ACER2: variants seen among roughly 807,000 people sequenced by gnomAD.
ACER2 encodes alkCDase 2.
ACER2 carries 26 observed loss-of-function variants against 34.7 expected under a neutral mutation model. The observed-to-expected ratio is 0.75, with a 90% CI of 0.55 to 1.04. ACER2 has a LOEUF of 1.04. ACER2 is among the 50% of genes least tolerant of loss of function. ACER2 has a pLI of 0.00. For missense variants in ACER2, 352 were observed against 340.8 expected (o/e 1.03, Z -0.26); for synonymous variants, 138 against 132.1 (o/e 1.04, Z -0.31).
rs549242757 is a variant in ACER2 at position 19,409,041 on chromosome 9, C to T, written c.-44C>T. The T allele has an allele frequency of 1.2e-4, 182 of 1,516,108 alleles. 2 individuals are homozygous for T. The South Asian group carries it at 2.0e-3, about 16-fold the overall frequency. The allele number at this position is 1,516,108 out of a possible 1,614,324, so 93.9% of individuals were successfully genotyped here. A position where few individuals can be genotyped will look rare whatever the true frequency, so the allele number is the denominator to read the frequency against. On this transcript the variant is annotated 5_prime_UTR_variant, in exon 1 of 6. Transcript: ENST00000340967. The stretch of plus-strand genomic sequence containing the variant: ...TTTGCCTCCGCAGCAGCTCTGGGCT[C>T]TTCTCAGCTGCGCGAGCAGCTGCTC...
intron 1 of ACER2, among the ~76,000 whole-genome samples, chr9:19,423,644 T>C (rs1326911615): frequency 6.6e-6 from 1 of 152,182 alleles, no homozygotes; most frequent in Non-Finnish European, 1.5e-5. Context: ...GAGGTTGCAG[T>C]GAGCCAAGAT....
chr9:19,432,793 G>A (rs934697894), intron 3 of ACER2, among the ~76,000 whole-genome samples: 8 of 148,720 alleles, frequency 5.4e-5, no homozygotes, highest in African/African-American at 2.0e-4. Context: ...TTATTTTTAG[G>A]TTATAGCTTA....
chr9:19,413,262 T>C (rs1169940740), intron 1 of ACER2, among the ~76,000 whole-genome samples: 1 of 152,234 alleles, frequency 6.6e-6, no homozygotes, highest in East Asian at 1.9e-4. Flanking sequence ...GTTTCTTCTA[T>C]ATACAAATTT....
At chr9:19,415,569 T>A (rs1392129589) in intron 1 of ACER2, among the ~76,000 whole-genome samples, 2 of 152,086 alleles carry the variant, frequency 1.3e-5, no homozygotes, top group East Asian at 1.9e-4. Flanking sequence ...TTACATATCA[T>A]AATTTTGCTG....
At chr9:19,435,204 C>A in intron 4 of ACER2, 120 bp downstream of exon 4, 2 of 1,286,514 alleles carry the variant, frequency 1.6e-6, no homozygotes, top group Non-Finnish European at 2.1e-6. Flanking sequence ...GAGTTAGTTG[C>A]TGACTGTTGG....
At chr9:19,419,986 C>T (rs981751252) in intron 1 of ACER2, among the ~76,000 whole-genome samples, 2 of 152,112 alleles carry the variant, frequency 1.3e-5, no homozygotes, top group Admixed American at 6.6e-5. Flanking sequence ...CATGCTTACC[C>T]GCTCTCCTCC....
At chr9:19,446,738 G>A (rs1308626918) in intron 5 of ACER2, 1 of 708,492 alleles carries the variant, frequency 1.4e-6, no homozygotes, top group Non-Finnish European at 1.7e-6. Flanking sequence ...GCTAGGTGTT[G>A]GGGGAGGGGA....
In ACER2 at chr9:19,409,047, A is replaced by G; in HGVS notation, c.-38A>G. On this transcript the variant is annotated 5_prime_UTR_variant, in exon 1 of 6. Transcript: ENST00000340967. ...TCCGCAGCAGCTCTGGGCTCTTCTC[A>G]GCTGCGCGAGCAGCTGCTCCAATGC... 6.5e-7 allele frequency: 1 copy of G among 1,527,304 alleles called. No individual in the cohort carries two copies. 94.6% of individuals were successfully genotyped at this position (1,527,304 alleles called of 1,614,324 possible).
chr9:19,417,163 C>A (rs999902317), intron 1 of ACER2, among the ~76,000 whole-genome samples: 5 of 152,148 alleles, frequency 3.3e-5, no homozygotes, highest in Non-Finnish European at 5.9e-5. Flanking sequence ...ATACAACTTA[C>A]AAAGGATATG....
In ACER2 at chr9:19,410,618, G is replaced by T. The variant is rs1357372335; in HGVS notation, c.108+1426G>T. Among the ~76,000 whole-genome samples the T allele has an allele frequency of 4.6e-5, 7 of 152,312 alleles. No individual in the cohort carries two copies. In the East Asian group the frequency reaches 1.4e-3, roughly 29 times the overall value. ...CCAGCTACTTGGGAAGCTGAGGTGG[G>T]AGGATCACCTGAGCCTGGGAGTTGA... On this transcript the variant is annotated intron_variant, in intron 1 of 5. Coordinates refer to ENST00000340967, the MANE Select transcript of ACER2 (RefSeq NM_001010887.3).
At chr9:19,412,097 A>G (rs1364180152) in intron 1 of ACER2, among the ~76,000 whole-genome samples, 4 of 152,222 alleles carry the variant, frequency 2.6e-5, no homozygotes, top group Non-Finnish European at 5.9e-5. Flanking sequence ...TTTGGCATAG[A>G]ATAGATATTT....
rs1831547859 is a variant in ACER2 at position 19,450,850 on chromosome 9, C to T, written c.*214C>T. 1 of 389,540 alleles carries T rather than the reference C, an allele frequency of 2.6e-6. No individual in the cohort carries two copies. The highest frequency in any genetic ancestry group is 4.5e-6 in the Non-Finnish European group (1 of 224,194). 24.1% of individuals were successfully genotyped at this position (389,540 alleles called of 1,614,324 possible). A position where few individuals can be genotyped will look rare whatever the true frequency, so the allele number is the denominator to read the frequency against. Reference sequence around the variant, plus strand: ...ATATTCCCTGCCCCCCTGCAGTTTCCCATTTGTCTTTCAGTATGTTAATAT... The same window carrying T: ...ATATTCCCTGCCCCCCTGCAGTTTCTCATTTGTCTTTCAGTATGTTAATAT... On this transcript the variant is annotated 3_prime_UTR_variant, in exon 6 of 6. Transcript: ENST00000340967.
chr9:19,434,270 A>T (rs908468115), intron 3 of ACER2, among the ~76,000 whole-genome samples: 2 of 148,132 alleles, frequency 1.4e-5, no homozygotes, highest in African/African-American at 5.1e-5. Flanking sequence ...CCGGGCAGAG[A>T]TGCTCCTCAC....
chr9:19,437,913 T>G, intron 4 of ACER2, among the ~76,000 whole-genome samples: 1 of 152,242 alleles, frequency 6.6e-6, no homozygotes, highest in East Asian at 1.9e-4. Context: ...TCTCCTTTTC[T>G]TCTCATCTTC....
rs552999143 is a variant in ACER2 at position 19,443,219 on chromosome 9, A to C, written c.504-3062A>C. ...CTAATTTTTTTTGTATTTTTAGTAG[A>C]GACAGGGTTTCACCACGTTAGCCAG... On this transcript the variant is annotated intron_variant, in intron 4 of 5. Transcript: ENST00000340967. 5.9e-5 allele frequency among the ~76,000 whole-genome samples: 9 copies of C among 152,230 alleles called. No individual in the cohort carries two copies. In the East Asian group the frequency reaches 1.2e-3, roughly 20 times the overall value.
At chr9:19,413,581 C>T (rs1830152974) in intron 1 of ACER2, among the ~76,000 whole-genome samples, 1 of 140,662 alleles carries the variant, frequency 7.1e-6, no homozygotes, top group Non-Finnish European at 1.5e-5. Context: ...GCCTGGGTGA[C>T]AGAGCAAGAT....
chr9:19,416,943 G>C (rs1042486145), intron 1 of ACER2, among the ~76,000 whole-genome samples: 1 of 152,116 alleles, frequency 6.6e-6, no homozygotes, highest in Non-Finnish European at 1.5e-5. Context: ...AATTATCTCT[G>C]TTTGCAGATG....
chr9:19,419,394 T>G (rs1325583696), intron 1 of ACER2, among the ~76,000 whole-genome samples: 1 of 152,128 alleles, frequency 6.6e-6, no homozygotes, highest in Non-Finnish European at 1.5e-5. Context: ...TCAGACAACT[T>G]GTCCATATTC....
At chr9:19,433,748 T>C (rs1192591215) in intron 3 of ACER2, among the ~76,000 whole-genome samples, 3 of 149,308 alleles carry the variant, frequency 2.0e-5, no homozygotes, top group African/African-American at 7.5e-5. Flanking sequence ...GAGGCACCCC[T>C]CACCTCCCGG....
Sources: allele counts gnomAD v4.1 joint callset (sites outside exome capture counted in the v4.1 genomes callset), GRCh38; gene constraint gnomAD v4.1.1; transcripts MANE v1.5; gene names NCBI Gene and HGNC (gene_info 2026-07-23, HGNC 2026-07-21).